CCNF: variants seen among roughly 807,000 people sequenced by gnomAD.
The protein encoded by CCNF is cyclin F.
A neutral mutation model predicts 85.4 loss-of-function variants in CCNF; 30 were observed. The observed-to-expected ratio is 0.35, with a 90% confidence interval of 0.26 to 0.48. CCNF has a LOEUF of 0.48. Among genes scored for constraint, CCNF ranks in the 20% least tolerant of loss-of-function variants. CCNF has a pLI of 0.99. For synonymous variants in CCNF, 439 were observed against 425.1 expected (o/e 1.03, Z -0.40); for missense variants, 919 against 1,010.4 (o/e 0.91, Z 1.23).
intron 1 of CCNF, among the ~76,000 whole-genome samples, chr16:2,430,390 T>C (rs1024712555): frequency 2.0e-5 from 3 of 152,136 alleles, no homozygotes; most frequent in African/African-American, 7.2e-5. Context: ...AAAATCCGGC[T>C]GTGGGAAGAG....
chr16:2,457,678 A>T lies in CCNF; in HGVS notation c.*658A>T, dbSNP rs1415508953. The T allele has an allele frequency of 6.6e-6, 1 of 152,244 alleles. No homozygotes were observed. The highest frequency in any genetic ancestry group is 6.5e-5 in the Admixed American group (1 of 15,284). 9.4% of individuals were successfully genotyped at this position (152,244 alleles called of 1,614,324 possible). On this transcript the variant is annotated 3_prime_UTR_variant, in exon 17 of 17. Transcript: ENST00000397066. ...CGTATGTGACCCACAGATGGCGTCAATGTGAACACCTCTCTTTGTGCTGAA... is the reference window on the plus strand; with the variant it reads ...CGTATGTGACCCACAGATGGCGTCATTGTGAACACCTCTCTTTGTGCTGAA...
intron 9 of CCNF, among the ~76,000 whole-genome samples, chr16:2,444,301 CT>C (rs764089161): frequency 1.6e-3 from 225 of 139,080 alleles, no homozygotes; most frequent in Admixed American, 1.8e-3. Flanking sequence ...TCTTCAGTTA[CT>C]TTTTTTTTTT....
At position 2,438,102 on chromosome 16, in the gene CCNF, C is replaced by A; in HGVS notation, c.573C>A (p.Gly191=). The part of the protein sequence containing the change: ...THKASILHCL[G]RVLSLFEDEE... ...AAGCATCCATATTGCACTGCTTGGG[C>A]AGAGTGCTGAGTCTGTTCGAGGTGA... Residue 191 remains glycine, a synonymous_variant, in exon 6 of 17, where the codon GGC becomes GGA. Coordinates refer to ENST00000397066, the MANE Select transcript of CCNF (RefSeq NM_001761.3). The A allele has an allele frequency of 6.2e-7, 1 of 1,611,542 alleles. No individual in the cohort carries two copies. The highest frequency in any genetic ancestry group is 8.5e-7 in the Non-Finnish European group (1 of 1,177,696).
At position 2,453,592 on chromosome 16, in the gene CCNF, C is replaced by G. The variant is rs2065407633; in HGVS notation, c.1715+55C>G. 3 of 1,607,822 alleles carry G rather than the reference C, an allele frequency of 1.9e-6. No homozygotes were observed. The highest frequency in any genetic ancestry group is 2.5e-6 in the Non-Finnish European group (3 of 1,176,884). On this transcript the variant is annotated intron_variant, in intron 15 of 16. Transcript: ENST00000397066. The surrounding 1 kb of genome is among the most constrained non-coding windows in gnomAD (Gnocchi z 5.6). ...TACAATGCTGGCATCCTCGTGCCGG[C>G]CCAGTTCCCTCAGCGCTTCCTCACA...
At chr16:2,449,767 GTCCCCTCCA>G in intron 12 of CCNF, 52 bp from the exon 13 acceptor site, 1 of 605,230 alleles carries the variant, frequency 1.7e-6, no homozygotes, top group Non-Finnish European at 2.6e-6. Context: ...CAGCCCCTCC[GTCCCCTCCA>G]TCCCCTCCGT....
At chr16:2,431,078 T>C in intron 1 of CCNF, 52 bp from the exon 2 acceptor site, 1 of 1,565,238 alleles carries the variant, frequency 6.4e-7, no homozygotes, top group Non-Finnish European at 8.8e-7. Flanking sequence ...CAAGGGTGTG[T>C]ATATAGAATA....
chr16:2,433,511 G>A (rs577375583), intron 3 of CCNF, among the ~76,000 whole-genome samples: 3 of 152,286 alleles, frequency 2.0e-5, no homozygotes, highest in South Asian at 4.1e-4. Flanking sequence ...GGTACCCGCC[G>A]CCCTCAGAAC....
intron 3 of CCNF, among the ~76,000 whole-genome samples, chr16:2,434,044 A>C (rs1358565649): frequency 2.6e-5 from 4 of 152,162 alleles, no homozygotes; most frequent in Non-Finnish European, 5.9e-5. Flanking sequence ...GTGGCGTCAC[A>C]CCTGTATTCC....
At chr16:2,441,218 G>A (rs949465611) in intron 8 of CCNF, among the ~76,000 whole-genome samples, 1 of 151,548 alleles carries the variant, frequency 6.6e-6, no homozygotes, top group African/African-American at 2.4e-5. Flanking sequence ...TGGCAACAGA[G>A]CGATACTCCA....
chr16:2,449,042 G>GGGGGC, intron 11 of CCNF, 64 bp downstream of exon 11: 1 of 683,622 alleles, frequency 1.5e-6, no homozygotes, highest in Non-Finnish European at 2.7e-6. Flanking sequence ...GTGGGGGTGG[G>GGGGGC]CATTCAGCTT....
chr16:2,438,565 C>T (rs943601116), intron 6 of CCNF, among the ~76,000 whole-genome samples: 6 of 151,034 alleles, frequency 4.0e-5, no homozygotes, highest in Non-Finnish European at 7.4e-5. Flanking sequence ...TTGCTTGAAC[C>T]TGGGAAGCGG....
rs183681445 is a variant in CCNF, at chr16:2,452,694, G to A, written c.1488-516G>A. 20 of 157,198 alleles carry A rather than the reference G, an allele frequency of 1.3e-4. No homozygotes were observed. Among genetic ancestry groups the A allele is most frequent in the East Asian group, 1.1e-3 (6 of 5,322 alleles). The allele number at this position is 157,198 out of a possible 1,614,324, so 9.7% of individuals were successfully genotyped here. ...CACACCCCTCAGCTGTCACCCTCCC[G>A]TTCCCCCCAACTTCCTCAGCGCTAG... On this transcript the variant is annotated intron_variant, in intron 13 of 16. Coordinates refer to ENST00000397066, the MANE Select transcript of CCNF (RefSeq NM_001761.3). The surrounding 1 kb of genome is among the most constrained non-coding windows in gnomAD (Gnocchi z 4.1).
intron 9 of CCNF, 53 bp downstream of exon 9, chr16:2,443,853 C>T: frequency 6.4e-7 from 1 of 1,565,356 alleles, no homozygotes. Context: ...AGCCAGCCTC[C>T]AGGGGAAGGG....
At chr16:2,442,941 T>TA (rs1364551605) in intron 8 of CCNF, among the ~76,000 whole-genome samples, 55 of 98,978 alleles carry the variant, frequency 5.6e-4, no homozygotes, top group African/African-American at 1.4e-3. Flanking sequence ...GATTATTATA[T>TA]ATTATTATAT....
rs752630210 is a variant in CCNF at position 2,448,903 on chromosome 16, G to A, written c.1143G>A (p.Thr381=). The change falls in exon 11 of 17, where the codon ACG becomes ACA. Residue 381 remains threonine (T), a synonymous_variant. Transcript: ENST00000397066. The stretch of plus-strand genomic sequence containing the variant: ...CCATCCGGGAGGCCGTATGGCTCAC[G>A]GACAACACTTACAAGTACGAGGACC... ...ILTIREAVWL[T]DNTYKYEDLV... 2.4e-5 allele frequency: 39 copies of A among 1,613,964 alleles called. No homozygotes were observed. Among genetic ancestry groups the A allele is most frequent in the Non-Finnish European group, 3.2e-5 (38 of 1,179,912 alleles).
At position 2,457,201 on chromosome 16, in the gene CCNF, A is replaced by C. The variant is rs2065434489; in HGVS notation, c.*181A>C. 1.8e-6 allele frequency: 1 copy of C among 562,884 alleles called. No individual in the cohort carries two copies. Among genetic ancestry groups the C allele is most frequent in the African/African-American group, 1.9e-5 (1 of 53,272 alleles). The allele number at this position is 562,884 out of a possible 1,614,324, so 34.9% of individuals were successfully genotyped here. On this transcript the variant is annotated 3_prime_UTR_variant, in exon 17 of 17. Coordinates refer to ENST00000397066, the MANE Select transcript of CCNF (RefSeq NM_001761.3). The stretch of plus-strand genomic sequence containing the variant: ...TCCCGTGCAAGCCATCAGAATGTTG[A>C]AATGAGGGTGAAGAGCTCAGATCCC...
At position 2,455,444 on chromosome 16, in the gene CCNF, C is replaced by A; in HGVS notation, c.1765C>A (p.Pro589Thr). The change falls in exon 16 of 17, where the codon CCC becomes ACC. Residue 589 changes from proline (P) to threonine (T), a missense_variant. By Grantham distance (38) the Pro-to-Thr change is conservative. Transcript: ENST00000397066. ...QEDRGSFVTT[P>T]TAELSSQEET... ...AGACAGAGGCAGCTTCGTTACCACC[C>A]CCACTGCGGAGCTGTCCAGCCAGGA... 6.3e-7 allele frequency: 1 copy of A among 1,597,722 alleles called. No homozygotes were observed. Among genetic ancestry groups the A allele is most frequent in the Non-Finnish European group, 8.6e-7 (1 of 1,167,122 alleles).
chr16:2,446,977 C>T (rs2065365408), intron 10 of CCNF, among the ~76,000 whole-genome samples: 1 of 152,214 alleles, frequency 6.6e-6, no homozygotes, highest in African/African-American at 2.4e-5. Flanking sequence ...GGAGCAAACC[C>T]TGCCACAAGC....
At position 2,432,676 on chromosome 16, in the gene CCNF, C is replaced by T. The variant is rs757493735; in HGVS notation, c.172-285C>T. On this transcript the variant is annotated intron_variant, in intron 2 of 16. Transcript: ENST00000397066. The stretch of plus-strand genomic sequence containing the variant: ...TTTCCCCTGTCTTTGGGGGTGATAC[C>T]TTTGCAGGGATGTTGAACCCTCTTT... 2.0e-5 allele frequency among the ~76,000 whole-genome samples: 3 copies of T among 152,164 alleles called. 1 individual carries two copies. Among genetic ancestry groups the T allele is most frequent in the African/African-American group, 7.2e-5 (3 of 41,442 alleles).
Sources: allele counts gnomAD v4.1 joint callset (sites outside exome capture counted in the v4.1 genomes callset), GRCh38; gene constraint gnomAD v4.1.1; non-coding constraint Gnocchi (gnomAD v3.1); transcripts MANE v1.5; gene names NCBI Gene and HGNC (gene_info 2026-07-23, HGNC 2026-07-21).